The following AOPEP variants were observed in gnomAD, a reference collection of about 807,000 sequenced individuals.
The protein encoded by AOPEP is aminopeptidase O.
AOPEP carries 77 observed loss-of-function variants against 98.1 expected under a neutral mutation model. The observed-to-expected ratio is 0.78, with a 90% CI of 0.65 to 0.95. The LOEUF (loss-of-function observed/expected upper bound fraction) is 0.95, where lower values mean the gene tolerates loss of function less well. Among genes scored for constraint, AOPEP ranks in the 40% least tolerant of loss-of-function variants. The pLI is 0.00. For synonymous variants in AOPEP, 346 were observed against 365.3 expected, an observed-to-expected ratio of 0.95 and a Z score of 0.60; for missense variants, 1,024 against 1,024.7, an observed-to-expected ratio of 1.00 and a Z score of 0.01.
intron 13 of AOPEP, among the ~76,000 whole-genome samples, chr9:95,012,468 G>T (rs890231395): frequency 5.3e-5 from 8 of 152,182 alleles, no homozygotes; most frequent in African/African-American, 1.9e-4. Flanking sequence ...TACTTTTATA[G>T]GCAGTATTAG....
intron 16 of AOPEP, chr9:95,085,848 A>C: frequency 1.7e-6 from 2 of 1,144,280 alleles, no homozygotes; most frequent in Non-Finnish European, 2.2e-6. Flanking sequence ...GTGGTAGCTC[A>C]TGGCTGTGAG....
At chr9:94,941,050 A>G (rs1198047169) in intron 7 of AOPEP, among the ~76,000 whole-genome samples, 1 of 152,264 alleles carries the variant, frequency 6.6e-6, no homozygotes, top group Non-Finnish European at 1.5e-5. Flanking sequence ...ATAAAAGGAA[A>G]GAGTCTGAAA....
At chr9:95,005,123 C>G (rs762692357) in intron 11 of AOPEP, 35 bp from the exon 12 acceptor site, 43 of 1,089,216 alleles carry the variant, frequency 3.9e-5, no homozygotes, top group Middle Eastern at 4.1e-4. Flanking sequence ...GGGCCGCTCC[C>G]GCGGTAAACT....
chr9:95,101,185 C>T, the AOPEP span: 18 of 253,292 alleles, frequency 7.1e-5, no homozygotes, highest in South Asian at 3.8e-4. Flanking sequence ...CAGGGAGACA[C>T]AAGGGAAGCC....
At chr9:95,123,780 G>T in the AOPEP span, 2 of 699,178 alleles carry the variant, frequency 2.9e-6, no homozygotes, top group Non-Finnish European at 5.3e-6. Flanking sequence ...GTCAGGAATC[G>T]ATCTTGTGAA....
At chr9:95,134,125 A>C in the AOPEP span, among the ~76,000 whole-genome samples, 1 of 152,194 alleles carries the variant, frequency 6.6e-6, no homozygotes, top group Non-Finnish European at 1.5e-5. Context: ...GGCTGTCAGC[A>C]CCTGCAACCC....
chr9:95,011,925 C>T (rs2062556907), intron 13 of AOPEP, among the ~76,000 whole-genome samples: 1 of 152,176 alleles, frequency 6.6e-6, no homozygotes, highest in Non-Finnish European at 1.5e-5. Context: ...TATCATCATC[C>T]ACTTACCCAC....
the AOPEP span, among the ~76,000 whole-genome samples, chr9:95,132,656 G>A: frequency 7.2e-5 from 11 of 152,292 alleles, no homozygotes; most frequent in South Asian, 4.1e-4. Flanking sequence ...AAAAGTGAAC[G>A]GGTTTTGAAA....
chr9:95,005,348 CG>C (rs2061919830), intron 12 of AOPEP, 128 bp downstream of exon 12: 3 of 726,494 alleles, frequency 4.1e-6, no homozygotes, highest in Non-Finnish European at 5.8e-6. Context: ...GGCTCGGGCG[CG>C]GGGAGCGGCC....
chr9:95,060,727 C>A lies in AOPEP; in HGVS notation c.2149C>A (p.His717Asn). 6.2e-7 allele frequency: 1 copy of A among 1,613,976 alleles called. No individual in the cohort carries two copies. Among genetic ancestry groups the A allele is most frequent in the Non-Finnish European group, 8.5e-7 (1 of 1,179,880 alleles). The change falls in exon 14 of 17, where the codon CAT becomes AAT. Residue 717 changes from histidine (H) to asparagine (N), a missense_variant. Physicochemically the swap from His to Asn is moderately conservative, Grantham distance 68. Transcript: ENST00000375315. ...AGACCAGCTGGTCTTGCTTCTGGAG[C>A]ATCTCTTGGAGCAGAAGACTCTGAG... ...LPDQLVLLLE[H>N]LLEQKTLSPR...
Position 95,086,946 on chromosome 9 carries a change from C to A in AOPEP, c.*269C>A. 2.0e-6 allele frequency: 2 copies of A among 987,688 alleles called. No individual in the cohort carries two copies. Among genetic ancestry groups the A allele is most frequent in the African/African-American group, 1.7e-5 (1 of 57,408 alleles). 61.2% of individuals were successfully genotyped at this position (987,688 alleles called of 1,614,324 possible). A position where few individuals can be genotyped will look rare whatever the true frequency, so the allele number is the denominator to read the frequency against. On this transcript the variant is annotated 3_prime_UTR_variant, in exon 17 of 17. Transcript: ENST00000375315. ...TGGAGCTGCTCTGAGATTTTGAGTT[C>A]TTCTGCAGAGATGATTAAATATATC...
chr9:94,968,934 C>G (rs567494287), intron 10 of AOPEP, among the ~76,000 whole-genome samples: 2 of 152,124 alleles, frequency 1.3e-5, no homozygotes, highest in Admixed American at 1.3e-4. Context: ...TACAGACACT[C>G]ATTTAATCCT....
intron 1 of AOPEP, among the ~76,000 whole-genome samples, chr9:94,743,729 C>T (rs550754575): frequency 6.6e-6 from 1 of 152,060 alleles, no homozygotes; most frequent in East Asian, 1.9e-4. Flanking sequence ...GGAGTGGACC[C>T]GGGGGTGAGG....
the AOPEP span, among the ~76,000 whole-genome samples, chr9:95,105,531 C>T: frequency 1.3e-5 from 2 of 152,268 alleles, no homozygotes; most frequent in East Asian, 1.9e-4. Flanking sequence ...GTAAAATATA[C>T]ATAAAATGTG....
At chr9:94,951,691 C>T (rs66993340) in intron 7 of AOPEP, among the ~76,000 whole-genome samples, 8 of 152,088 alleles carry the variant, frequency 5.3e-5, no homozygotes, top group Admixed American at 5.2e-4. Flanking sequence ...ACACACAATA[C>T]AAAGTCAGAA....
intron 13 of AOPEP, among the ~76,000 whole-genome samples, chr9:95,015,427 A>G (rs529902928): frequency 4.6e-5 from 7 of 152,340 alleles, no homozygotes; most frequent in Admixed American, 1.3e-4. Context: ...TGTGCATAAC[A>G]CATTTCTTAT....
intron 13 of AOPEP, among the ~76,000 whole-genome samples, chr9:95,038,061 G>A (rs892297130): frequency 6.6e-6 from 1 of 152,124 alleles, no homozygotes; most frequent in Admixed American, 6.5e-5. Flanking sequence ...GCAAGTTCTC[G>A]GCCTCTTGAG....
At chr9:94,846,219 A>G (rs1156405149) in intron 5 of AOPEP, among the ~76,000 whole-genome samples, 2 of 152,184 alleles carry the variant, frequency 1.3e-5, no homozygotes, top group South Asian at 4.1e-4. Flanking sequence ...ATTTGACGTC[A>G]TGAAACTGGA....
rs911878317 is a variant in AOPEP at position 95,087,091 on chromosome 9, G to A, written c.*414G>A. ...GCTCCTCTGTATGAGACCAGTGGGC[G>A]CCATTTAAAAGAACAGGATGAGAAT... is the stretch of plus-strand genomic sequence containing the variant. On this transcript the variant is annotated 3_prime_UTR_variant, in exon 17 of 17. Transcript: ENST00000375315. 8 of 236,010 alleles carry A rather than the reference G, an allele frequency of 3.4e-5. No individual in the cohort carries two copies. Among genetic ancestry groups the A allele is most frequent in the African/African-American group, 1.6e-4 (7 of 42,816 alleles). The allele number at this position is 236,010 out of a possible 1,614,324, so 14.6% of individuals were successfully genotyped here. A position where few individuals can be genotyped will look rare whatever the true frequency, so the allele number is the denominator to read the frequency against.
Sources: allele counts gnomAD v4.1 joint callset (sites outside exome capture counted in the v4.1 genomes callset), GRCh38; gene constraint gnomAD v4.1.1; transcripts MANE v1.5; gene names NCBI Gene and HGNC (gene_info 2026-07-23, HGNC 2026-07-21).